ZSCAN5A: variants seen among roughly 807,000 people sequenced by gnomAD.
The protein encoded by ZSCAN5A is zinc finger and SCAN domain containing 5A, also known as zinc finger and SCAN domain-containing protein 5A.
Under a neutral mutation model 23.7 loss-of-function variants are expected in ZSCAN5A, and 12 were observed. The ratio of observed to expected loss-of-function variants is 0.51; its 90% CI spans 0.32 to 0.82. The LOEUF (loss-of-function observed/expected upper bound fraction) is 0.82. ZSCAN5A is among the 40% of genes least tolerant of loss of function. The pLI, the probability that ZSCAN5A is intolerant of heterozygous loss-of-function variation, is 0.03. For synonymous variants in ZSCAN5A, 257 were observed against 239.9 expected, an observed-to-expected ratio of 1.07 and a Z score of -0.66; for missense variants, 597 against 617.9, an observed-to-expected ratio of 0.97 and a Z score of 0.36.
intron 2 of ZSCAN5A, chr19:56,283,198 C>A (rs553585618): frequency 3.9e-5 from 6 of 152,380 alleles, no homozygotes; most frequent in Non-Finnish European, 7.3e-5. Flanking sequence ...GATTCCACGT[C>A]CCTGCTCCCA....
At chr19:56,304,522 C>A (rs1325048926) in intron 2 of ZSCAN5A, among the ~76,000 whole-genome samples, 1 of 152,106 alleles carries the variant, frequency 6.6e-6, no homozygotes, top group Non-Finnish European at 1.5e-5. Context: ...ACGTCAGGAA[C>A]CTGAGGCTGA....
intron 2 of ZSCAN5A, among the ~76,000 whole-genome samples, chr19:56,332,056 A>AT (rs1332221008): frequency 6.6e-6 from 1 of 151,566 alleles, no homozygotes; most frequent in Non-Finnish European, 1.5e-5. Flanking sequence ...CATGATTTTT[A>AT]TTTTTTTTAA....
chr19:56,310,951 T>C (rs915942101), intron 2 of ZSCAN5A, among the ~76,000 whole-genome samples: 2 of 152,230 alleles, frequency 1.3e-5, no homozygotes, highest in African/African-American at 4.8e-5. Flanking sequence ...AGAAGTTCTC[T>C]TATCATCATG....
chr19:56,279,512 T>G (rs2038521707), intron 2 of ZSCAN5A, among the ~76,000 whole-genome samples: 1 of 152,224 alleles, frequency 6.6e-6, no homozygotes, highest in Admixed American at 6.5e-5. Context: ...GCATTTAGCA[T>G]GTACTGAGAA....
intron 2 of ZSCAN5A, among the ~76,000 whole-genome samples, chr19:56,253,177 C>CTGAG (rs1305043408): frequency 6.6e-6 from 1 of 151,308 alleles, no homozygotes; most frequent in Non-Finnish European, 1.5e-5. Context: ...ACTCTGGAGG[C>CTGAG]TGAGGTGGGA....
intron 2 of ZSCAN5A, among the ~76,000 whole-genome samples, chr19:56,248,984 G>A (rs1330248073): frequency 6.6e-6 from 1 of 152,084 alleles, no homozygotes; most frequent in Non-Finnish European, 1.5e-5. Context: ...ATCCACCACT[G>A]GAGTATCATG....
upstream of ZSCAN5A, chr19:56,319,814 C>G (rs2041356348): frequency 1.3e-6 from 1 of 778,246 alleles, no homozygotes; most frequent in African/African-American, 1.7e-5. Context: ...AATTGGGACT[C>G]TTCTGTCGAG....
chr19:56,276,462 G>A (rs1177556706), intron 2 of ZSCAN5A, among the ~76,000 whole-genome samples: 1 of 151,056 alleles, frequency 6.6e-6, no homozygotes, highest in Non-Finnish European at 1.5e-5. Flanking sequence ...ATGGTCTTAG[G>A]GCCACTGAAC....
intron 2 of ZSCAN5A, among the ~76,000 whole-genome samples, chr19:56,278,278 T>A (rs2038418992): frequency 6.6e-6 from 1 of 152,130 alleles, no homozygotes; most frequent in Non-Finnish European, 1.5e-5. Context: ...GGACTATAGG[T>A]GCATGCCACC....
chr19:56,236,868 C>G (rs2034969544), intron 2 of ZSCAN5A, among the ~76,000 whole-genome samples: 3 of 150,486 alleles, frequency 2.0e-5, no homozygotes, highest in African/African-American at 7.4e-5. Context: ...AGCCTCCACT[C>G]CAGCCTCTGA....
intron 5 of ZSCAN5A, 92 bp downstream of exon 5, chr19:56,222,499 C>A: frequency 6.4e-7 from 1 of 1,558,958 alleles, no homozygotes; most frequent in Non-Finnish European, 8.6e-7. Flanking sequence ...AGCTGAGTGC[C>A]AACTCCCCCA....
intron 2 of ZSCAN5A, among the ~76,000 whole-genome samples, chr19:56,259,929 G>A (rs952274391): frequency 3.3e-5 from 5 of 152,230 alleles, no homozygotes; most frequent in African/African-American, 7.2e-5. Context: ...AGCTGTGATC[G>A]TGCCCTTGCA....
intron 2 of ZSCAN5A, among the ~76,000 whole-genome samples, chr19:56,264,655 A>G (rs936111499): frequency 6.6e-6 from 1 of 152,230 alleles, no homozygotes; most frequent in Non-Finnish European, 1.5e-5. Context: ...GAACATAGCT[A>G]GCTCCCCTTG....
At chr19:56,247,411 CT>C in intron 2 of ZSCAN5A, 1 of 181,054 alleles carries the variant, frequency 5.5e-6, no homozygotes, top group Non-Finnish European at 1.2e-5. Context: ...TCCCAAGTGT[CT>C]AAGAGCCTTT....
intron 1 of ZSCAN5A, chr19:56,368,020 GAT>G: frequency 6.6e-6 from 1 of 152,484 alleles, no homozygotes; most frequent in East Asian, 1.9e-4. Flanking sequence ...ACCTGGTACT[GAT>G]ATACGCTTCA....
chr19:56,359,545 G>A (rs971772856), intron 2 of ZSCAN5A, among the ~76,000 whole-genome samples: 8 of 152,078 alleles, frequency 5.3e-5, no homozygotes, highest in Non-Finnish European at 1.0e-4. Flanking sequence ...CCAAACAATC[G>A]AAAAGAAGAG....
At chr19:56,257,769 C>T (rs8106150) in intron 2 of ZSCAN5A, among the ~76,000 whole-genome samples, 6,660 of 123,788 alleles carry the variant, frequency 0.054, 520 homozygotes, top group African/African-American at 0.25. Context: ...TAGACACAGG[C>T]GCCAGGGGAC....
rs181999776 is a variant in ZSCAN5A, at chr19:56,221,983, G to A, written c.1083C>T (p.Cys361=). Residue 361 remains cysteine (C), a synonymous_variant, in exon 6 of 6, where the codon TGC becomes TGT. Coordinates refer to ENST00000683990, the MANE Select transcript of ZSCAN5A (RefSeq NM_001322064.3). ...KALPPFACDV[C]EKRFTCNSKL... The stretch of plus-strand genomic sequence containing the variant: ...TGGAATTACACGTAAACCTCTTCTC[G>A]CACACGTCACATGCAAAGGGCGGCA... 9.3e-6 allele frequency: 15 copies of A among 1,614,154 alleles called. No homozygotes were observed. Among genetic ancestry groups the A allele is most frequent in the East Asian group, 2.2e-5 (1 of 44,886 alleles).
intron 2 of ZSCAN5A, among the ~76,000 whole-genome samples, chr19:56,297,212 C>T (rs1398020796): frequency 1.3e-5 from 2 of 152,144 alleles, no homozygotes; most frequent in African/African-American, 2.4e-5. Flanking sequence ...CCTGAGGCAG[C>T]TGAGTCCCTG....
Sources: gnomAD v4.1 joint callset for allele counts (sites outside exome capture counted in the v4.1 genomes callset) on GRCh38, gnomAD v4.1.1 for gene constraint, MANE v1.5 for transcripts, NCBI Gene and HGNC (gene_info 2026-07-23, HGNC 2026-07-21) for gene names.